Variants in ALG3 observed in about 807,000 individuals in gnomAD.
ALG3 encodes ALG3 alpha-1,3- mannosyltransferase, also known as dol-P-Man:Man(5)GlcNAc(2)-PP-Dol alpha-1,3-mannosyltransferase.
In ALG3, 39 loss-of-function variants were observed where a neutral mutation model predicts 50.5. The observed-to-expected ratio is 0.77, with a 90% CI of 0.60 to 1.01. The LOEUF is 1.01. Among genes scored for constraint, ALG3 ranks in the 50% least tolerant of loss-of-function variants. The probability of loss-of-function intolerance (pLI) is 0.00; values close to 1 mark genes in which losing one functional copy is unlikely to be tolerated. For missense variants in ALG3, 520 were observed against 554.8 expected (o/e 0.94, Z 0.63); for synonymous variants, 252 against 237.2 (o/e 1.06, Z -0.58).
intron 1 of ALG3, 33 bp downstream of exon 1, chr3:184,248,712 T>TACCCA: frequency 2.9e-6 from 2 of 679,028 alleles, no homozygotes; most frequent in Non-Finnish European, 2.5e-6. Context: ...CAGGTCTCCC[T>TACCCA]CCCTCCCCTC....
In ALG3 at chr3:184,248,731, C is replaced by A; in HGVS notation, c.196+14G>T. ...TCTCCCTCCCTCCCCTCCCCTCCCC[C>A]TCGGCGCACTCACATGCCACCCTGT... is the stretch of plus-strand genomic sequence containing the variant. On this transcript the variant is annotated intron_variant, in intron 1 of 8. Transcript: ENST00000397676. 6.5e-7 allele frequency: 1 copy of A among 1,543,712 alleles called. No individual in the cohort carries two copies. Among genetic ancestry groups the A allele is most frequent in the South Asian group, 1.2e-5 (1 of 83,106 alleles).
chr3:184,246,133 C>G (rs1719133973), intron 1 of ALG3, among the ~76,000 whole-genome samples: 2 of 152,186 alleles, frequency 1.3e-5, no homozygotes, highest in South Asian at 4.1e-4. Flanking sequence ...TCATTTGCAA[C>G]CCTTCGTCAA....
chr3:184,245,287 G>A lies in ALG3; in HGVS notation c.516C>T (p.Leu172=). ...YRVHSIFVLR[L]FNDPVAMVLL... Reference sequence around the variant, plus strand: ...GCACCATGGCCACTGGGTCATTGAAGAGCCGCAGCACAAAGATGGAGTGGA... The same window carrying A: ...GCACCATGGCCACTGGGTCATTGAAAAGCCGCAGCACAAAGATGGAGTGGA... Residue 172 remains leucine (L), a synonymous_variant, in exon 4 of 9, where the codon CTC becomes CTT. Coordinates refer to ENST00000397676, the MANE Select transcript of ALG3 (RefSeq NM_005787.6). 1 of 1,613,718 alleles carries A rather than the reference G, an allele frequency of 6.2e-7. No homozygotes were observed. Among genetic ancestry groups the A allele is most frequent in the East Asian group, 2.2e-5 (1 of 44,870 alleles).
At chr3:184,248,097 G>A (rs1012270966) in intron 1 of ALG3, among the ~76,000 whole-genome samples, 5 of 145,364 alleles carry the variant, frequency 3.4e-5, no homozygotes, top group Non-Finnish European at 7.5e-5. Context: ...CTCGTGATCC[G>A]CCCGCCTCGG....
chr3:184,248,725 C>CA lies in ALG3; in HGVS notation c.196+19_196+20insT. 6.6e-7 allele frequency: 1 copy of CA among 1,509,668 alleles called. No individual in the cohort carries two copies. Among genetic ancestry groups the CA allele is most frequent in the Non-Finnish European group, 9.0e-7 (1 of 1,111,688 alleles). 93.5% of individuals were successfully genotyped at this position (1,509,668 alleles called of 1,614,324 possible). A position where few individuals can be genotyped will look rare whatever the true frequency, so the allele number is the denominator to read the frequency against. ...TTCAGGTCTCCCTCCCTCCCCTCCC[C>CA]TCCCCCTCGGCGCACTCACATGCCA... On this transcript the variant is annotated intron_variant, in intron 1 of 8. Transcript: ENST00000397676.
In ALG3 at chr3:184,245,353, A is replaced by C. The variant is rs1240330812; in HGVS notation, c.450T>G (p.Pro150=). The C allele has an allele frequency of 1.2e-6, 2 of 1,612,442 alleles. No individual in the cohort carries two copies. The highest frequency in any genetic ancestry group is 1.7e-6 in the Non-Finnish European group (2 of 1,179,242). Reference sequence around the variant, plus strand: ...AGCACATGAAGAAAAAGACGAAGGGAGGTACCTAAAGGGAAAACACAGTAA... The same window carrying C: ...AGCACATGAAGAAAAAGACGAAGGGCGGTACCTAAAGGGAAAACACAGTAA... ...FLIYHQTCKV[P]PFVFFFMCCA... Residue 150 remains proline, a synonymous_variant, in exon 4 of 9, where the codon CCT becomes CCG. Transcript: ENST00000397676.
At chr3:184,244,322 T>G in intron 5 of ALG3, 1 of 529,226 alleles carries the variant, frequency 1.9e-6, no homozygotes, top group Non-Finnish European at 3.3e-6. Context: ...GGCAGGAGGA[T>G]TGCTTGAGCC....
chr3:184,244,149 C>CCCG (rs1718998846), intron 5 of ALG3, among the ~76,000 whole-genome samples, 153 bp from the exon 6 acceptor site: 1 of 152,222 alleles, frequency 6.6e-6, no homozygotes, highest in African/African-American at 2.4e-5. Flanking sequence ...TTCCCCACCC[C>CCCG]CCGGCCCAGG....
At chr3:184,248,562 G>C (rs900369137) in intron 1 of ALG3, among the ~76,000 whole-genome samples, 183 bp downstream of exon 1, 1 of 152,198 alleles carries the variant, frequency 6.6e-6, no homozygotes, top group African/African-American at 2.4e-5. Context: ...TCTGCCATGC[G>C]GGCAGATTAA....
Position 184,243,451 on chromosome 3 carries a change from C to T in ALG3, c.1009+103G>A, listed in dbSNP as rs745530403. On this transcript the variant is annotated intron_variant, in intron 7 of 8. Transcript: ENST00000397676. ...AGAATAGGACTTCTATGATTGGGGT[C>T]CCCTTTCCTCGCCCAGGTCACCAGC... is the stretch of plus-strand genomic sequence containing the variant. The T allele has an allele frequency of 1.1e-4, 116 of 1,034,076 alleles. 1 individual carries two copies. In the Middle Eastern group the frequency reaches 2.0e-3, roughly 18 times the overall value. 64.1% of individuals were successfully genotyped at this position (1,034,076 alleles called of 1,614,324 possible).
In ALG3 at chr3:184,242,837, G is replaced by A. The variant is rs762716163; in HGVS notation, c.1130C>T (p.Ala377Val). 3 of 1,613,942 alleles carry A rather than the reference G, an allele frequency of 1.9e-6. No individual in the cohort carries two copies. The highest frequency in any genetic ancestry group is 3.3e-5 in the Admixed American group (2 of 60,032). Residue 377 changes from alanine (A) to valine (V), a missense_variant, in exon 8 of 9, where the codon GCA (alanine) becomes GTA (valine). Transcript: ENST00000397676. Reference sequence around the variant, plus strand: ...CCTGAGCAGGTGTGTGAGCCAGCGTGCAGGCATGGCCCACAGGAGGTAGGG... The same window carrying A: ...CCTGAGCAGGTGTGTGAGCCAGCGTACAGGCATGGCCCACAGGAGGTAGGG... The part of the protein sequence containing the change: ...TLPYLLWAMP[A>V]RWLTHLLRLL...
intron 1 of ALG3, among the ~76,000 whole-genome samples, chr3:184,247,884 C>T (rs1266640380): frequency 1.4e-4 from 21 of 150,332 alleles, no homozygotes; most frequent in African/African-American, 4.2e-4. Flanking sequence ...CTTGCTCTGT[C>T]GCCCAGGCTG....
chr3:184,247,620 G>C (rs1719231366), intron 1 of ALG3, among the ~76,000 whole-genome samples: 1 of 151,720 alleles, frequency 6.6e-6, no homozygotes, highest in African/African-American at 2.4e-5. Context: ...TTTAATAGAG[G>C]ATCCTCTGTC....
chr3:184,249,234 C>G (rs1255232363), upstream of ALG3: 6 of 1,612,888 alleles, frequency 3.7e-6, no homozygotes, highest in Non-Finnish European at 5.1e-6. Flanking sequence ...ACCTCCCCCA[C>G]AACCGCTGAA....
At chr3:184,243,448 G>A in intron 7 of ALG3, 106 bp downstream of exon 7, 1 of 980,938 alleles carries the variant, frequency 1.0e-6, no homozygotes. Context: ...CTATGATTGG[G>A]GTCCCCTTTC....
At chr3:184,243,733 G>C in intron 6 of ALG3, 58 bp downstream of exon 6, 1 of 1,593,466 alleles carries the variant, frequency 6.3e-7, no homozygotes, top group Non-Finnish European at 8.6e-7. Flanking sequence ...AGCCCCTAAG[G>C]CTTAGGCCCT....
rs750975525 is a variant in ALG3 at position 184,242,460 on chromosome 3, A to G, written c.*54T>C. 14 of 1,585,092 alleles carry G rather than the reference A, an allele frequency of 8.8e-6. No homozygotes were observed. The highest frequency in any genetic ancestry group is 1.2e-5 in the Non-Finnish European group (14 of 1,164,972). ...AGGTTTATTTGGAAGGGCAGAGTCC[A>G]ACCAACCCCAGGTCCTGAGGGTAGA... is the stretch of plus-strand genomic sequence containing the variant. On this transcript the variant is annotated 3_prime_UTR_variant, in exon 9 of 9. Coordinates refer to ENST00000397676, the MANE Select transcript of ALG3 (RefSeq NM_005787.6).
intron 4 of ALG3, 144 bp downstream of exon 4, chr3:184,245,054 T>C (rs1719051539): frequency 8.7e-7 from 1 of 1,153,406 alleles, no homozygotes; most frequent in South Asian, 1.3e-5. Flanking sequence ...GGGCAGAAAC[T>C]TTCTATAGAT....
Position 184,245,174 on chromosome 3 carries a change from G to T in ALG3, c.605+24C>A, listed in dbSNP as rs907545613. The T allele has an allele frequency of 5.0e-6, 8 of 1,613,266 alleles. No individual in the cohort carries two copies. The African/African-American group carries it at 8.0e-5, about 16-fold the overall frequency. On this transcript the variant is annotated intron_variant, in intron 4 of 8. Coordinates refer to ENST00000397676, the MANE Select transcript of ALG3 (RefSeq NM_005787.6). ...GATGGAAATGCAGAAAACGAGAGGG[G>T]ACCAGAAAGGAAGAGGTGTTGACCT...
Sources: allele counts gnomAD v4.1 joint callset (sites outside exome capture counted in the v4.1 genomes callset), GRCh38; gene constraint gnomAD v4.1.1; transcripts MANE v1.5; gene names NCBI Gene and HGNC (gene_info 2026-07-23, HGNC 2026-07-21).